CNTN3: variants seen among roughly 807,000 people sequenced by gnomAD.
CNTN3 encodes the protein contactin-3.
CNTN3 carries 60 observed loss-of-function variants against 119.1 expected under a neutral mutation model. The ratio of observed to expected loss-of-function variants is 0.50; its 90% confidence interval spans 0.41 to 0.62. CNTN3 has a LOEUF of 0.62. CNTN3 is among the 20% of genes least tolerant of loss of function. The probability of loss-of-function intolerance (pLI) is 0.00; values close to 1 mark genes in which losing one functional copy is unlikely to be tolerated. For missense variants in CNTN3, 1,101 were observed against 1,242.4 expected (o/e 0.89, Z 1.71); for synonymous variants, 450 against 438.7 (o/e 1.03, Z -0.32).
chr3:74,601,000 A>G (rs1253482044), intron 1 of CNTN3, among the ~76,000 whole-genome samples: 4 of 149,856 alleles, frequency 2.7e-5, no homozygotes. Flanking sequence ...TGTCTTTATT[A>G]TTCACTACAT....
intron 1 of CNTN3, among the ~76,000 whole-genome samples, chr3:74,576,199 G>A (rs1704414619): frequency 6.6e-6 from 1 of 151,920 alleles, no homozygotes; most frequent in Admixed American, 6.6e-5. Context: ...AACTTTTCCT[G>A]GGAGGTATTA....
At chr3:74,322,887 A>C (rs1331065139) in intron 13 of CNTN3, among the ~76,000 whole-genome samples, 1 of 152,236 alleles carries the variant, frequency 6.6e-6, no homozygotes, top group Non-Finnish European at 1.5e-5. Context: ...AAAGAGGCCC[A>C]TTTGAAAAGG....
intron 4 of CNTN3, among the ~76,000 whole-genome samples, chr3:74,457,589 C>A (rs1373783805): frequency 7.0e-6 from 1 of 143,578 alleles, no homozygotes; most frequent in Non-Finnish European, 1.5e-5. Context: ...GGAGTCATTT[C>A]TACTACACTT....
intron 1 of CNTN3, among the ~76,000 whole-genome samples, chr3:74,599,748 C>A (rs1290112333): frequency 2.0e-5 from 3 of 152,068 alleles, no homozygotes; most frequent in Non-Finnish European, 4.4e-5. Flanking sequence ...TCAGCCAAGG[C>A]AAGTCACCTG....
intron 11 of CNTN3, among the ~76,000 whole-genome samples, chr3:74,351,242 G>A (rs185419763): frequency 3.9e-5 from 6 of 152,314 alleles, no homozygotes; most frequent in South Asian, 2.1e-4. Context: ...AAAGGCGGGG[G>A]TCCCACAGAA....
intron 5 of CNTN3, among the ~76,000 whole-genome samples, chr3:74,415,306 A>T (rs1701502507): frequency 6.6e-6 from 1 of 152,098 alleles, no homozygotes; most frequent in South Asian, 2.1e-4. Context: ...AGCTTGGGGG[A>T]AATTCACCTG....
chr3:74,315,820 T>G (rs531413097), intron 13 of CNTN3, among the ~76,000 whole-genome samples: 3 of 152,230 alleles, frequency 2.0e-5, no homozygotes, highest in African/African-American at 7.2e-5. Flanking sequence ...TCACGACGGA[T>G]TAAAGACTTA....
chr3:74,349,964 C>T (rs1247418169), intron 11 of CNTN3, among the ~76,000 whole-genome samples: 1 of 152,198 alleles, frequency 6.6e-6, no homozygotes, highest in East Asian at 1.9e-4. Context: ...CATTAACCTG[C>T]ATTCCCCAAG....
At chr3:74,447,351 A>G (rs941422627) in intron 4 of CNTN3, among the ~76,000 whole-genome samples, 1 of 152,128 alleles carries the variant, frequency 6.6e-6, no homozygotes, top group African/African-American at 2.4e-5. Context: ...CCACTCTCCA[A>G]TTTCCTGCTA....
intron 1 of CNTN3, among the ~76,000 whole-genome samples, chr3:74,578,025 C>T (rs528836368): frequency 1.8e-4 from 28 of 152,066 alleles, no homozygotes; most frequent in South Asian, 1.2e-3. Context: ...TAAACCCCTG[C>T]CAATTTGCAA....
chr3:74,352,230 C>G (rs1663132218), intron 11 of CNTN3, among the ~76,000 whole-genome samples: 1 of 152,206 alleles, frequency 6.6e-6, no homozygotes, highest in South Asian at 2.1e-4. Flanking sequence ...AGCATGTTCC[C>G]TACTCTCTTG....
rs565632073 is a variant in CNTN3, at chr3:74,540,375, T to C, written c.-80-19183A>G. ...CACCACAAGTTGATATGAACATTGA[T>C]TTGGTTATAAACAATGAATTGGTCT... is the stretch of plus-strand genomic sequence containing the variant. On this transcript the variant is annotated intron_variant, in intron 1 of 22. Transcript: ENST00000263665. 5.5e-4 allele frequency among the ~76,000 whole-genome samples: 83 copies of C among 152,238 alleles called. 3 individuals carry two copies. The South Asian group carries it at 0.014, about 25-fold the overall frequency.
At chr3:74,414,686 T>C (rs1397526007) in intron 5 of CNTN3, among the ~76,000 whole-genome samples, 4 of 152,164 alleles carry the variant, frequency 2.6e-5, no homozygotes, top group Non-Finnish European at 4.4e-5. Context: ...ATTTGGACTT[T>C]ATCTGTGTAA....
At chr3:74,269,553 A>C (rs1009013204) in intron 20 of CNTN3, among the ~76,000 whole-genome samples, 1 of 152,186 alleles carries the variant, frequency 6.6e-6, no homozygotes, top group Non-Finnish European at 1.5e-5. Flanking sequence ...ATTTCTGTAC[A>C]TACATAATCT....
intron 1 of CNTN3, among the ~76,000 whole-genome samples, chr3:74,522,689 G>C (rs1703560326): frequency 6.6e-6 from 1 of 151,540 alleles, no homozygotes. Flanking sequence ...TTCTTGCAAA[G>C]GGGCAAGGCA....
intron 1 of CNTN3, among the ~76,000 whole-genome samples, chr3:74,546,057 G>A (rs547792262): frequency 2.0e-5 from 3 of 151,760 alleles, no homozygotes; most frequent in Non-Finnish European, 2.9e-5. Context: ...GTGCAGTGGC[G>A]CGATCTCGGC....
intron 20 of CNTN3, among the ~76,000 whole-genome samples, chr3:74,280,860 G>A (rs1490567726): frequency 1.3e-5 from 2 of 152,180 alleles, no homozygotes; most frequent in African/African-American, 4.8e-5. Flanking sequence ...TGGCTCTGAG[G>A]CTATGCACAA....
intron 1 of CNTN3, among the ~76,000 whole-genome samples, chr3:74,603,587 A>C (rs532198484): frequency 6.6e-6 from 1 of 152,300 alleles, no homozygotes; most frequent in South Asian, 2.1e-4. Context: ...TTTATACAAC[A>C]ACAAAAAAGA....
At chr3:74,575,402 C>A (rs914287575) in intron 1 of CNTN3, among the ~76,000 whole-genome samples, 1 of 151,752 alleles carries the variant, frequency 6.6e-6, no homozygotes, top group Admixed American at 6.6e-5. Flanking sequence ...CAGACGGGTG[C>A]CATCATGCCT....
Sources: allele counts gnomAD v4.1 joint callset (sites outside exome capture counted in the v4.1 genomes callset), GRCh38; gene constraint gnomAD v4.1.1; transcripts MANE v1.5; gene names NCBI Gene and HGNC (gene_info 2026-07-23, HGNC 2026-07-21).